The following TENM2 variants were observed in gnomAD, a reference collection of about 807,000 sequenced individuals.
TENM2 encodes the protein teneurin transmembrane protein 2, also known as teneurin-2.
A neutral mutation model predicts 245.2 loss-of-function variants in TENM2; 52 were observed. The ratio of observed to expected loss-of-function variants is 0.21; its 90% CI spans 0.17 to 0.27. The LOEUF is 0.27. Ranked by LOEUF, TENM2 falls within the 10% of genes least tolerant of loss-of-function variation. The pLI is 1.00. For missense variants in TENM2, 3,046 were observed against 3,666.8 expected (o/e 0.83, Z 4.37); for synonymous variants, 1,363 against 1,438.9 (o/e 0.95, Z 1.19).
At chr5:168,200,289 C>T (rs917486511) in intron 17 of TENM2, among the ~76,000 whole-genome samples, 158 bp downstream of exon 19, 2 of 152,116 alleles carry the variant, frequency 1.3e-5, no homozygotes, top group East Asian at 1.9e-4. Flanking sequence ...ACGGGGTTTA[C>T]ATTTTGGTGA....
At chr5:167,634,158 A>T (rs918916557) in intron 2 of TENM2, among the ~76,000 whole-genome samples, 28 of 152,214 alleles carry the variant, frequency 1.8e-4, no homozygotes, top group Non-Finnish European at 2.6e-4. Context: ...CAATGAACTT[A>T]AAAACCATGG....
chr5:167,034,496 G>A, the TENM2 span, among the ~76,000 whole-genome samples: 1 of 151,800 alleles, frequency 6.6e-6, no homozygotes, highest in African/African-American at 2.4e-5. Flanking sequence ...CGGGCGTGGT[G>A]GCGGGCGCCT....
At chr5:168,138,673 G>A (rs536406069) in intron 12 of TENM2, among the ~76,000 whole-genome samples, 1 of 152,338 alleles carries the variant, frequency 6.6e-6, no homozygotes, top group East Asian at 1.9e-4. Context: ...GCCCACTTAG[G>A]ATCCATTTGC....
chr5:167,170,992 G>A, the TENM2 span, among the ~76,000 whole-genome samples: 2 of 152,098 alleles, frequency 1.3e-5, no homozygotes, highest in African/African-American at 2.4e-5. Context: ...TTTGCTGGGG[G>A]CTGGCCCATC....
intron 2 of TENM2, among the ~76,000 whole-genome samples, chr5:167,468,143 T>C (rs1766790793): frequency 6.6e-6 from 1 of 151,996 alleles, no homozygotes; most frequent in Non-Finnish European, 1.5e-5. Context: ...CACCATGCTG[T>C]CCAGGCTGGT....
chr5:167,050,007 T>C, the TENM2 span, among the ~76,000 whole-genome samples: 1 of 151,632 alleles, frequency 6.6e-6, no homozygotes, highest in Admixed American at 6.6e-5. Flanking sequence ...AAAGGTGGAG[T>C]TGAGATGTAG....
At chr5:167,078,514 C>T in the TENM2 span, among the ~76,000 whole-genome samples, 1 of 137,668 alleles carries the variant, frequency 7.3e-6, no homozygotes, top group African/African-American at 2.9e-5. Context: ...ACAACAACAA[C>T]AACAACAACA....
At chr5:167,764,958 C>A (rs1762912067) in intron 2 of TENM2, among the ~76,000 whole-genome samples, 1 of 152,122 alleles carries the variant, frequency 6.6e-6, no homozygotes, top group African/African-American at 2.4e-5. Context: ...TGGGGTGAGC[C>A]TTTTAGCCCT....
intron 2 of TENM2, among the ~76,000 whole-genome samples, chr5:167,668,428 C>G (rs1755713406): frequency 1.3e-5 from 2 of 152,126 alleles, no homozygotes; most frequent in African/African-American, 4.8e-5. Context: ...TAAAAACGTT[C>G]CACAAATGTT....
intron 2 of TENM2, among the ~76,000 whole-genome samples, chr5:167,685,641 A>C (rs1375724312): frequency 2.6e-5 from 4 of 152,128 alleles, no homozygotes; most frequent in African/African-American, 9.7e-5. Context: ...AGAAGTGCAA[A>C]ATCTTTTTAT....
chr5:167,960,445 T>TGTG (rs1331326410), intron 4 of TENM2, among the ~76,000 whole-genome samples: 2 of 152,212 alleles, frequency 1.3e-5, no homozygotes, highest in Non-Finnish European at 2.9e-5. Context: ...TTTGCTGAGC[T>TGTG]GTGGTGGGCT....
rs989988544 is a variant in TENM2 at position 168,251,405 on chromosome 5, G to C, written c.7432+3034G>C. Among the ~76,000 whole-genome samples, 3 of 152,166 alleles carry C rather than the reference G, an allele frequency of 2.0e-5. No individual in the cohort carries two copies. In the East Asian group the frequency reaches 5.8e-4, roughly 29 times the overall value. On this transcript the variant is annotated intron_variant, in intron 27 of 28. Transcript: ENST00000518659. ...TGGGAATCAAATCAAGTTGAACTAA[G>C]TCCAACGAAATTGAATCCAGAAACC...
chr5:167,711,810 T>C (rs1010062509), intron 2 of TENM2, among the ~76,000 whole-genome samples: 1 of 152,208 alleles, frequency 6.6e-6, no homozygotes, highest in Non-Finnish European at 1.5e-5. Flanking sequence ...TCTCTCTACA[T>C]GTTTCTCTAT....
intron 2 of TENM2, among the ~76,000 whole-genome samples, chr5:167,463,982 G>A (rs1008836541): frequency 7.9e-5 from 12 of 152,166 alleles, no homozygotes; most frequent in Admixed American, 5.9e-4. Flanking sequence ...CTGAGTTTGA[G>A]TCTCACTGAA....
chr5:166,996,965 A>G, the TENM2 span, among the ~76,000 whole-genome samples: 1 of 152,164 alleles, frequency 6.6e-6, no homozygotes, highest in Non-Finnish European at 1.5e-5. Flanking sequence ...GATTTGTTTT[A>G]TATCAGTGAA....
At chr5:167,828,471 C>T (rs1212938228) in intron 2 of TENM2, among the ~76,000 whole-genome samples, 1 of 152,158 alleles carries the variant, frequency 6.6e-6, no homozygotes, top group Non-Finnish European at 1.5e-5. Context: ...TAGGATCATG[C>T]CCATAAAGGC....
exon 29 of TENM2, chr5:168,262,146 G>C (rs772013043): frequency 1.9e-5 from 31 of 1,613,594 alleles, no homozygotes; most frequent in Non-Finnish European, 4.2e-6. Context: ...GCCAGCATCC[G>C]AGAGAAAGCA....
intron 2 of TENM2, among the ~76,000 whole-genome samples, chr5:167,446,800 C>CACAG (rs1183734445): frequency 6.8e-6 from 1 of 146,900 alleles, no homozygotes; most frequent in Non-Finnish European, 1.5e-5. Context: ...CACGCACACA[C>CACAG]ACACACACAC....
At chr5:167,117,310 C>T in the TENM2 span, among the ~76,000 whole-genome samples, 1 of 151,990 alleles carries the variant, frequency 6.6e-6, no homozygotes, top group Non-Finnish European at 1.5e-5. Flanking sequence ...GAGACCATCC[C>T]GGCTAACACG....
Sources: gnomAD v4.1 joint callset for allele counts (sites outside exome capture counted in the v4.1 genomes callset) on GRCh38, gnomAD v4.1.1 for gene constraint, MANE v1.5 for transcripts, NCBI Gene and HGNC (gene_info 2026-07-23, HGNC 2026-07-21) for gene names.